Variants in TMEM178A observed in about 807,000 individuals in gnomAD.
The protein encoded by TMEM178A is transmembrane protein 178A.
In TMEM178A, 12 loss-of-function variants were observed where a neutral mutation model predicts 29.1. The observed-to-expected ratio is 0.41, with a 90% CI of 0.26 to 0.67. The LOEUF (loss-of-function observed/expected upper bound fraction) is 0.67, where lower values mean the gene tolerates loss of function less well. Among genes scored for constraint, TMEM178A ranks in the 30% least tolerant of loss-of-function variants. The pLI, the probability that TMEM178A is intolerant of heterozygous loss-of-function variation, is 0.29. For missense variants in TMEM178A, 366 were observed against 419.1 expected, an observed-to-expected ratio of 0.87 and a Z score of 1.11; for synonymous variants, 210 against 187.2, an observed-to-expected ratio of 1.12 and a Z score of -0.99.
intron 1 of TMEM178A, among the ~76,000 whole-genome samples, chr2:39,683,382 A>G (rs1572659493): frequency 6.6e-6 from 1 of 152,308 alleles, no homozygotes; most frequent in Middle Eastern, 3.4e-3. Context: ...TTTAAAAGAA[A>G]TAAATAAAAA....
rs1442401467 is a variant in TMEM178A, at chr2:39,666,084, G to T, written c.110G>T (p.Arg37Leu). Residue 37 changes from arginine to leucine, a missense_variant, in exon 1 of 4, where the codon CGG (arginine) becomes CTG (leucine). Around this residue, in one of 2 missense-constraint regions of TMEM178A, gnomAD observed 247 missense variants for 246.8 expected, o/e 1.00. Transcript: ENST00000281961. ...GACCACTGGTACGAGACCGACCCCC[G>T]GCGCCACAAGGAGAGCTGCGAGCGC... ...FTDHWYETDP[R>L]RHKESCERSR... 2 of 1,568,420 alleles carry T rather than the reference G, an allele frequency of 1.3e-6. No individual in the cohort carries two copies. Among genetic ancestry groups the T allele is most frequent in the Non-Finnish European group, 1.7e-6 (2 of 1,161,140 alleles).
At chr2:39,721,812 G>C (rs1436925859), downstream of TMEM178A, among the ~76,000 whole-genome samples, 5 of 151,846 alleles carry the variant, frequency 3.3e-5, no homozygotes, top group African/African-American at 1.2e-4. Context: ...TGGGCAAATA[G>C]AGCCTGTCTC....
At chr2:39,709,331 C>T in intron 3 of TMEM178A, among the ~76,000 whole-genome samples, 1 of 152,238 alleles carries the variant, frequency 6.6e-6, no homozygotes, top group South Asian at 2.1e-4. Context: ...GGGGCATCAT[C>T]ACCAGCATCC....
At chr2:39,695,497 C>A (rs377719060) in intron 1 of TMEM178A, among the ~76,000 whole-genome samples, 1 of 150,906 alleles carries the variant, frequency 6.6e-6, no homozygotes, top group African/African-American at 2.4e-5. Context: ...GCTATGTGGT[C>A]TGCAGTGTTT....
intron 1 of TMEM178A, among the ~76,000 whole-genome samples, chr2:39,698,487 C>G (rs1242162765): frequency 6.6e-6 from 1 of 152,148 alleles, no homozygotes; most frequent in Non-Finnish European, 1.5e-5. Flanking sequence ...TTGAAATGAT[C>G]TTGCATTCCT....
At chr2:39,668,427 T>C (rs995542634) in intron 1 of TMEM178A, among the ~76,000 whole-genome samples, 4 of 152,194 alleles carry the variant, frequency 2.6e-5, no homozygotes, top group Non-Finnish European at 5.9e-5. Context: ...GAGTTCTAGG[T>C]TGTGAACAGA....
intron 1 of TMEM178A, among the ~76,000 whole-genome samples, chr2:39,682,381 G>GTT (rs529229212): frequency 4.1e-5 from 6 of 145,978 alleles, no homozygotes; most frequent in African/African-American, 1.2e-4. Flanking sequence ...AGTTTACTAT[G>GTT]TTTTTTTTTT....
intron 3 of TMEM178A, 95 bp from the exon 4 acceptor site, chr2:39,716,915 G>A (rs2540229): frequency 0.5 from 714,337 of 1,414,754 alleles, 187,412 homozygotes; most frequent in East Asian, 0.8. Context: ...GACTGCCTCA[G>A]TGGTTGATCT....
intron 2 of TMEM178A, among the ~76,000 whole-genome samples, chr2:39,705,689 T>A (rs1671997091): frequency 6.6e-6 from 1 of 152,206 alleles, no homozygotes; most frequent in Admixed American, 6.5e-5. Context: ...AGAGCAAGAC[T>A]GGAAGCTACT....
chr2:39,682,695 C>G (rs984893149), intron 1 of TMEM178A, among the ~76,000 whole-genome samples: 1 of 152,140 alleles, frequency 6.6e-6, no homozygotes, highest in African/African-American at 2.4e-5. Context: ...TTAATAAGTA[C>G]ACTATCAAGG....
downstream of TMEM178A, among the ~76,000 whole-genome samples, chr2:39,720,840 A>G (rs1254577262): frequency 6.6e-6 from 1 of 152,216 alleles, no homozygotes; most frequent in Non-Finnish European, 1.5e-5. Context: ...ATGGAAAGAG[A>G]ATATAGCTTG....
rs1183008006 is a variant in TMEM178A, at chr2:39,666,081, C to T, written c.107C>T (p.Pro36Leu). The T allele has an allele frequency of 6.4e-7, 1 of 1,569,572 alleles. No individual in the cohort carries two copies. The highest frequency in any genetic ancestry group is 8.6e-7 in the Non-Finnish European group (1 of 1,161,560). ...ACCGACCACTGGTACGAGACCGACC[C>T]CCGGCGCCACAAGGAGAGCTGCGAG... ...IFTDHWYETD[P>L]RRHKESCERS... is the part of the protein sequence containing the mutation. The change falls in exon 1 of 4, where the codon CCC becomes CTC. Residue 36 changes from proline to leucine, a missense_variant. Coordinates refer to ENST00000281961, the MANE Select transcript of TMEM178A (RefSeq NM_152390.3).
Position 39,667,133 on chromosome 2 carries a change from A to G in TMEM178A, c.400+759A>G, listed in dbSNP as rs143012065. On this transcript the variant is annotated intron_variant, in intron 1 of 3. Coordinates refer to ENST00000281961, the MANE Select transcript of TMEM178A (RefSeq NM_152390.3). ...CCTCCTCGCTGTCCAGGCACTGAGG[A>G]GAGAAAATGTCCTCGCCCTTTAAAC... is the stretch of plus-strand genomic sequence containing the variant. Among the ~76,000 whole-genome samples the G allele has an allele frequency of 2.0e-3, 307 of 152,294 alleles. 1 individual carries two copies. Among genetic ancestry groups the G allele is most frequent in the African/African-American group, 7.2e-3 (301 of 41,558 alleles).
At chr2:39,706,930 C>A in intron 2 of TMEM178A, 119 bp from the exon 3 acceptor site, 2 of 1,212,064 alleles carry the variant, frequency 1.7e-6, no homozygotes, top group Non-Finnish European at 2.3e-6. Context: ...GTCCTGTGGG[C>A]TCTAAGCCTG....
chr2:39,706,926 T>G, intron 2 of TMEM178A, 123 bp from the exon 3 acceptor site: 1 of 1,143,852 alleles, frequency 8.7e-7, no homozygotes, highest in South Asian at 1.6e-5. Context: ...CCTTGTCCTG[T>G]GGGCTCTAAG....
chr2:39,676,792 T>C (rs1670645273), intron 1 of TMEM178A, among the ~76,000 whole-genome samples: 1 of 152,096 alleles, frequency 6.6e-6, no homozygotes, highest in Non-Finnish European at 1.5e-5. Context: ...GGTCATTCCA[T>C]AGTAGGAGAA....
chr2:39,709,671 T>A (rs1263065246), intron 3 of TMEM178A, among the ~76,000 whole-genome samples: 1 of 152,194 alleles, frequency 6.6e-6, no homozygotes, highest in Non-Finnish European at 1.5e-5. Context: ...CTTCTCTCCC[T>A]TTATTTAAGC....
the TMEM178A span, among the ~76,000 whole-genome samples, chr2:39,723,890 A>G: frequency 6.6e-6 from 1 of 152,142 alleles, no homozygotes; most frequent in Non-Finnish European, 1.5e-5. Context: ...AACATGTTAT[A>G]CATCTAGATA....
chr2:39,693,531 T>C (rs1383647203), intron 1 of TMEM178A, among the ~76,000 whole-genome samples: 2 of 152,174 alleles, frequency 1.3e-5, no homozygotes, highest in African/African-American at 2.4e-5. Context: ...CTGCCTTCTC[T>C]CTAATGGCAT....
Sources: gnomAD v4.1 joint callset for allele counts (sites outside exome capture counted in the v4.1 genomes callset) on GRCh38, gnomAD v4.1.1 for gene constraint, gnomAD v4.1.1 regional missense constraint, MANE v1.5 for transcripts, NCBI Gene and HGNC (gene_info 2026-07-23, HGNC 2026-07-21) for gene names.